HTR1F: variants seen among roughly 807,000 people sequenced by gnomAD.
HTR1F encodes the protein 5-hydroxytryptamine (serotonin) receptor 1F, G protein-coupled.
Under a neutral mutation model 24.0 loss-of-function variants are expected in HTR1F, and 17 were observed. The observed-to-expected ratio is 0.71, with a 90% CI of 0.48 to 1.06. HTR1F has a LOEUF of 1.06. Among genes scored for constraint, HTR1F ranks in the 50% least tolerant of loss-of-function variants. HTR1F has a pLI of 0.00. For missense variants in HTR1F, 391 were observed against 427.8 expected, an observed-to-expected ratio of 0.91 and a Z score of 0.76; for synonymous variants, 186 against 156.8, an observed-to-expected ratio of 1.19 and a Z score of -1.39.
At chr3:87,819,187 G>T (rs1206162886) in intron 1 of HTR1F, among the ~76,000 whole-genome samples, 2 of 152,044 alleles carry the variant, frequency 1.3e-5, no homozygotes, top group Non-Finnish European at 2.9e-5. Flanking sequence ...TCAGTAATTT[G>T]GGGGGATGCA....
At chr3:87,810,738 AATT>A (rs1466793845) in intron 1 of HTR1F, among the ~76,000 whole-genome samples, 1 of 152,172 alleles carries the variant, frequency 6.6e-6, no homozygotes, top group Non-Finnish European at 1.5e-5. Context: ...CTGGTGTATA[AATT>A]ATTTCAATAT....
intron 2 of HTR1F, among the ~76,000 whole-genome samples, chr3:87,845,903 T>C (rs1225005745): frequency 6.6e-6 from 1 of 151,954 alleles, no homozygotes; most frequent in Non-Finnish European, 1.5e-5. Context: ...ATTTGTCCAT[T>C]GGATTGTAAA....
At chr3:87,928,885 G>A (rs1378520458) in intron 2 of HTR1F, among the ~76,000 whole-genome samples, 2 of 152,140 alleles carry the variant, frequency 1.3e-5, no homozygotes, top group Non-Finnish European at 2.9e-5. Flanking sequence ...CAGGTACCAA[G>A]AAAGCCATCA....
chr3:87,817,357 T>C (rs1477740295), intron 1 of HTR1F, among the ~76,000 whole-genome samples: 2 of 152,154 alleles, frequency 1.3e-5, no homozygotes, highest in Non-Finnish European at 2.9e-5. Context: ...CAATATATCA[T>C]TATACAAAAA....
intron 2 of HTR1F, among the ~76,000 whole-genome samples, chr3:87,885,281 C>A (rs1705910002): frequency 1.3e-5 from 2 of 152,110 alleles, no homozygotes; most frequent in Non-Finnish European, 2.9e-5. Context: ...TAAAGATGTT[C>A]TTTGAAATCA....
At chr3:87,930,910 T>A (rs1704247912) in intron 2 of HTR1F, among the ~76,000 whole-genome samples, 1 of 152,126 alleles carries the variant, frequency 6.6e-6, no homozygotes, top group South Asian at 2.1e-4. Flanking sequence ...TATTACACAC[T>A]TTTACACATC....
chr3:87,843,684 C>CG (rs55727089), intron 2 of HTR1F, among the ~76,000 whole-genome samples: 1 of 135,606 alleles, frequency 7.4e-6, no homozygotes, highest in African/African-American at 3.1e-5. Context: ...CCCCCTCCCC[C>CG]ACCCCACAAC....
intron 2 of HTR1F, among the ~76,000 whole-genome samples, chr3:87,981,436 C>G (rs1705541491): frequency 6.6e-6 from 1 of 152,200 alleles, no homozygotes; most frequent in South Asian, 2.1e-4. Context: ...CTCAAGCAAT[C>G]TGCCCACCTC....
At chr3:87,989,807 C>T (rs1705778051) in intron 2 of HTR1F, among the ~76,000 whole-genome samples, 1 of 152,194 alleles carries the variant, frequency 6.6e-6, no homozygotes, top group African/African-American at 2.4e-5. Flanking sequence ...TAACGAGATG[C>T]AGATGAACTG....
intron 2 of HTR1F, among the ~76,000 whole-genome samples, chr3:87,828,050 T>C (rs1338515206): frequency 6.6e-6 from 1 of 152,210 alleles, no homozygotes; most frequent in African/African-American, 2.4e-5. Flanking sequence ...AAGAGTTCTA[T>C]AGTTCCATCT....
chr3:87,935,711 T>C (rs1412418842), intron 2 of HTR1F, among the ~76,000 whole-genome samples: 1 of 152,202 alleles, frequency 6.6e-6, no homozygotes, highest in Non-Finnish European at 1.5e-5. Flanking sequence ...AAAAATATTC[T>C]GAAATCATAA....
In HTR1F at chr3:87,876,150, C is replaced by T. The variant is rs550019854; in HGVS notation, c.-43+54026C>T. On this transcript the variant is annotated intron_variant, in intron 2 of 2. Coordinates refer to ENST00000319595, the MANE Select transcript of HTR1F (RefSeq NM_001322209.2). ...AGAATTGGAGACTTTGTGTGCTGAT[C>T]ATGGGCGTATAAAACAGTGTAACTG... Among the ~76,000 whole-genome samples the T allele has an allele frequency of 4.1e-4, 63 of 152,256 alleles. 1 individual carries two copies. Among genetic ancestry groups the T allele is most frequent in the Middle Eastern group, 3.4e-3 (1 of 294 alleles).
intron 2 of HTR1F, among the ~76,000 whole-genome samples, chr3:87,841,726 C>T (rs1575931373): frequency 6.6e-6 from 1 of 151,236 alleles, no homozygotes; most frequent in East Asian, 1.9e-4. Flanking sequence ...ATGGTGAAAC[C>T]CCATCTCTAC....
chr3:87,903,175 G>A (rs1216683513), intron 2 of HTR1F, among the ~76,000 whole-genome samples: 4 of 151,844 alleles, frequency 2.6e-5, no homozygotes, highest in Admixed American at 2.6e-4. Flanking sequence ...AAAAACCCTA[G>A]AAGAAAACCT....
At chr3:87,915,279 T>C (rs1256756100) in intron 2 of HTR1F, among the ~76,000 whole-genome samples, 1 of 152,014 alleles carries the variant, frequency 6.6e-6, no homozygotes, top group Non-Finnish European at 1.5e-5. Context: ...TCTGGTAATA[T>C]GACAAAACAA....
intron 2 of HTR1F, among the ~76,000 whole-genome samples, chr3:87,974,392 G>A (rs1240371097): frequency 6.6e-6 from 1 of 152,058 alleles, no homozygotes; most frequent in Non-Finnish European, 1.5e-5. Context: ...TGACTGGCTC[G>A]TACTAATGAG....
intron 2 of HTR1F, among the ~76,000 whole-genome samples, chr3:87,942,920 G>C (rs1353394076): frequency 1.3e-5 from 2 of 152,046 alleles, no homozygotes; most frequent in African/African-American, 2.4e-5. Context: ...AGATTAGTTG[G>C]CCTTCAATAG....
chr3:87,881,442 C>G (rs1290751405), intron 2 of HTR1F, among the ~76,000 whole-genome samples: 1 of 152,158 alleles, frequency 6.6e-6, no homozygotes, highest in Non-Finnish European at 1.5e-5. Context: ...TCGAACCAGG[C>G]AGAGCCCACT....
chr3:87,847,522 A>G (rs1458408496), intron 2 of HTR1F, among the ~76,000 whole-genome samples: 1 of 151,726 alleles, frequency 6.6e-6, no homozygotes, highest in African/African-American at 2.4e-5. Context: ...GGTGTTTATT[A>G]TTTTTTTACA....
Sources: gnomAD v4.1 joint callset for allele counts (sites outside exome capture counted in the v4.1 genomes callset) on GRCh38, gnomAD v4.1.1 for gene constraint, MANE v1.5 for transcripts, NCBI Gene and HGNC (gene_info 2026-07-23, HGNC 2026-07-21) for gene names.